TRPM8: variants seen among roughly 807,000 people sequenced by gnomAD.
The protein encoded by TRPM8 is TRPM8 cationic channel.
A neutral mutation model predicts 133.7 loss-of-function variants in TRPM8; 110 were observed. That is an observed-to-expected ratio of 0.82 (90% confidence interval 0.70 to 0.96). TRPM8 has a LOEUF of 0.96. TRPM8 is among the 40% of genes least tolerant of loss of function. The pLI is 0.00. For missense variants in TRPM8, 1,291 were observed against 1,379.5 expected, an observed-to-expected ratio of 0.94 and a Z score of 1.02; for synonymous variants, 535 against 532.3, an observed-to-expected ratio of 1.01 and a Z score of -0.07.
rs1198346815 is a variant in TRPM8, at chr2:233,970,339, GCT to G, written c.2270_2271del (p.Leu757HisfsTer24). On this transcript the variant is annotated frameshift_variant, in exon 17 of 26. Coordinates refer to ENST00000324695, the MANE Select transcript of TRPM8 (RefSeq NM_024080.5). LOFTEE classifies it high-confidence loss of function. The part of the protein sequence containing the change: ...AFLLLFAYVL[L>X]MDFHSVPHPP... ...TCCTCCTGCTGTTTGCCTACGTGCT[GCT>G]CATGGATTTCCATTCGGTGCCACAC... The G allele has an allele frequency of 6.2e-7, 1 of 1,614,148 alleles. No individual in the cohort carries two copies. The highest frequency in any genetic ancestry group is 8.5e-7 in the Non-Finnish European group (1 of 1,180,030).
chr2:233,983,125 A>G lies in TRPM8; in HGVS notation c.2662A>G (p.Ile888Val). Residue 888 changes from isoleucine (I) to valine (V), a missense_variant, in exon 20 of 26, where the codon ATC becomes GTC. Around this residue, in one of 2 missense-constraint regions of TRPM8, gnomAD observed 328 missense variants for 410.6 expected, o/e 0.80. Transcript: ENST00000324695. ...GGCCTTTGGCGTGGCCAGGCAAGGGATCCTTAGGCAGAATGAGCAGCGCTG... is the reference window on the plus strand; with the variant it reads ...GGCCTTTGGCGTGGCCAGGCAAGGGGTCCTTAGGCAGAATGAGCAGCGCTG... ...MVAFGVARQG[I>V]LRQNEQRWRW... is the part of the protein sequence containing the mutation. The G allele has an allele frequency of 1.9e-6, 3 of 1,613,938 alleles. No individual in the cohort carries two copies. Among genetic ancestry groups the G allele is most frequent in the Non-Finnish European group, 2.5e-6 (3 of 1,179,972 alleles).
intron 1 of TRPM8, among the ~76,000 whole-genome samples, chr2:233,923,093 TCTC>T (rs899103847): frequency 1.3e-5 from 2 of 152,086 alleles, no homozygotes; most frequent in Non-Finnish European, 2.9e-5. Flanking sequence ...ATGGTCTCGA[TCTC>T]CTGGCCTCGT....
intron 17 of TRPM8, among the ~76,000 whole-genome samples, chr2:233,975,268 T>C (rs1691839676): frequency 1.3e-5 from 2 of 152,122 alleles, no homozygotes; most frequent in African/African-American, 4.8e-5. Flanking sequence ...TGAAGCACGG[T>C]CTTCATAATT....
At chr2:233,982,618 G>A (rs1348444416) in intron 19 of TRPM8, among the ~76,000 whole-genome samples, 4 of 152,150 alleles carry the variant, frequency 2.6e-5, no homozygotes, top group South Asian at 2.1e-4. Flanking sequence ...AAAATTAAAC[G>A]GTCCATTCTT....
Position 233,944,411 on chromosome 2 carries a change from C to T in TRPM8, c.700-1445C>T, listed in dbSNP as rs922028617. ...GTTAATTCACAGACTCACAAAAAAC[C>T]TTGAAAATGTGGGTATTTTTACCTC... is the stretch of plus-strand genomic sequence containing the variant. On this transcript the variant is annotated intron_variant, in intron 6 of 25. Transcript: ENST00000324695. 2.6e-5 allele frequency among the ~76,000 whole-genome samples: 4 copies of T among 152,168 alleles called. No homozygotes were observed. In the South Asian group the frequency reaches 8.3e-4, roughly 31 times the overall value.
intron 5 of TRPM8, among the ~76,000 whole-genome samples, chr2:233,940,283 GGT>G (rs57020643): frequency 1.4e-4 from 18 of 132,700 alleles, no homozygotes; most frequent in South Asian, 1.2e-3. Flanking sequence ...TCTAGACATG[GGT>G]TTTTTTTTTT....
At chr2:233,952,927 C>T (rs1010576414) in intron 9 of TRPM8, among the ~76,000 whole-genome samples, 3 of 152,150 alleles carry the variant, frequency 2.0e-5, no homozygotes, top group Admixed American at 6.5e-5. Flanking sequence ...CCCTCCTCCC[C>T]GCCTGTCAGT....
intron 23 of TRPM8, among the ~76,000 whole-genome samples, chr2:234,007,559 G>C (rs1481306333): frequency 6.6e-6 from 1 of 152,190 alleles, no homozygotes; most frequent in Non-Finnish European, 1.5e-5. Context: ...GAAGTCTATA[G>C]AGCGTGCTCT....
At chr2:233,991,940 T>C (rs545399289) in intron 21 of TRPM8, among the ~76,000 whole-genome samples, 1 of 152,312 alleles carries the variant, frequency 6.6e-6, no homozygotes, top group Admixed American at 6.5e-5. Flanking sequence ...GTTTGTAGAA[T>C]CATTTAAGGG....
At chr2:233,952,327 T>C (rs936699098) in intron 9 of TRPM8, among the ~76,000 whole-genome samples, 1 of 152,042 alleles carries the variant, frequency 6.6e-6, no homozygotes, top group Non-Finnish European at 1.5e-5. Flanking sequence ...AATGGGTGTT[T>C]GGAAGAAAGG....
chr2:233,966,632 C>T lies in TRPM8; in HGVS notation c.1902C>T (p.Ser634=), dbSNP rs1344029897. 1 of 1,614,076 alleles carries T rather than the reference C, an allele frequency of 6.2e-7. No individual in the cohort carries two copies. ...RAVELFTECY[S]SDEDLAEQLL... is the part of the protein sequence containing the mutation. ...TAGAGCTGTTCACTGAGTGTTACAG[C>T]AGCGATGAAGACTTGGCAGAACAGC... Residue 634 remains serine, a synonymous_variant, in exon 15 of 26, where the codon AGC becomes AGT. Coordinates refer to ENST00000324695, the MANE Select transcript of TRPM8 (RefSeq NM_024080.5).
chr2:233,940,741 G>C (rs1482734756), intron 5 of TRPM8, among the ~76,000 whole-genome samples: 1 of 152,230 alleles, frequency 6.6e-6, no homozygotes, highest in African/African-American at 2.4e-5. Flanking sequence ...ATCACTGCAA[G>C]CATGGGTTTT....
rs555779489 is a variant in TRPM8 at position 233,975,614 on chromosome 2, C to T, written c.2356-4574C>T. 8.5e-4 allele frequency among the ~76,000 whole-genome samples: 129 copies of T among 152,358 alleles called. 1 individual carries two copies. The East Asian group carries it at 0.024, about 28-fold the overall frequency. ...AGAAACCAGAGGCTGGGCACGGTGG[C>T]TCCCGCCTGCAATCCCAGCACTGTG... is the stretch of plus-strand genomic sequence containing the variant. On this transcript the variant is annotated intron_variant, in intron 17 of 25. Transcript: ENST00000324695.
rs201193454 is a variant in TRPM8 at position 234,006,879 on chromosome 2, C to G, written c.3157C>G (p.Leu1053Val). 1.2e-6 allele frequency: 2 copies of G among 1,613,848 alleles called. No homozygotes were observed. The highest frequency in any genetic ancestry group is 8.5e-7 in the Non-Finnish European group (1 of 1,179,782). The stretch of plus-strand genomic sequence containing the variant: ...TTTCAAAAATGAAGACAATGAGACT[C>G]TGGCATGGGAGGGTGTCATGAAGGA... ...CCFKNEDNET[L>V]AWEGVMKENY... is the part of the protein sequence containing the mutation. Residue 1053 changes from leucine to valine, a missense_variant, in exon 23 of 26, where the codon CTG becomes GTG. By Grantham distance (32) the Leu-to-Val change is conservative. Around this residue, in one of 2 missense-constraint regions of TRPM8, gnomAD observed 328 missense variants for 410.6 expected, o/e 0.80. Transcript: ENST00000324695.
chr2:233,978,138 G>C (rs971478395), intron 17 of TRPM8, among the ~76,000 whole-genome samples: 5 of 149,148 alleles, frequency 3.4e-5, no homozygotes, highest in Admixed American at 6.7e-5. Flanking sequence ...CTTAGACATA[G>C]ATCTTGTTTT....
intron 15 of TRPM8, among the ~76,000 whole-genome samples, chr2:233,967,592 T>C (rs368047953): frequency 4.6e-5 from 7 of 152,358 alleles, no homozygotes; most frequent in African/African-American, 1.7e-4. Flanking sequence ...CTCATGTTGA[T>C]TGCCTGCAAC....
At chr2:233,927,938 C>CTT (rs1559516731) in intron 2 of TRPM8, among the ~76,000 whole-genome samples, 49 of 64,244 alleles carry the variant, frequency 7.6e-4, no homozygotes, top group African/African-American at 6.5e-3. Flanking sequence ...CTCTCTCTCT[C>CTT]TCTCTCTCTC....
chr2:233,948,818 A>C (rs1691105099), intron 8 of TRPM8, among the ~76,000 whole-genome samples: 1 of 152,190 alleles, frequency 6.6e-6, no homozygotes, highest in African/African-American at 2.4e-5. Flanking sequence ...GGATCACCTG[A>C]GGTCAGGAGT....
At chr2:233,997,947 G>A (rs1358564908) in intron 22 of TRPM8, among the ~76,000 whole-genome samples, 2 of 152,154 alleles carry the variant, frequency 1.3e-5, no homozygotes, top group African/African-American at 4.8e-5. Context: ...AACCACATCA[G>A]GCTTGAGTTT....
Sources: gnomAD v4.1 joint callset for allele counts (sites outside exome capture counted in the v4.1 genomes callset) on GRCh38, gnomAD v4.1.1 for gene constraint, gnomAD v4.1.1 regional missense constraint, MANE v1.5 for transcripts, NCBI Gene and HGNC (gene_info 2026-07-23, HGNC 2026-07-21) for gene names.